The following BABAM2 variants were observed in gnomAD, a reference collection of about 807,000 sequenced individuals.
BABAM2 encodes the protein BRISC and BRCA1 A complex member 2.
Under a neutral mutation model 54.7 loss-of-function variants are expected in BABAM2, and 31 were observed. That is an observed-to-expected ratio of 0.57 (90% CI 0.43 to 0.77). The LOEUF (loss-of-function observed/expected upper bound fraction) is 0.77. Ranked by LOEUF, BABAM2 falls within the 30% of genes least tolerant of loss-of-function variation. The pLI is 0.00. For missense variants in BABAM2, 364 were observed against 455.8 expected, an observed-to-expected ratio of 0.80 and a Z score of 1.83; for synonymous variants, 167 against 162.9, an observed-to-expected ratio of 1.03 and a Z score of -0.19.
chr2:28,126,468 T>C (rs1307349599), intron 6 of BABAM2, among the ~76,000 whole-genome samples: 4 of 145,034 alleles, frequency 2.8e-5, no homozygotes, highest in African/African-American at 7.7e-5. Context: ...ACAAAGGACA[T>C]GAACTCATCA....
chr2:27,894,858 A>G, intron 2 of BABAM2, 174 bp downstream of exon 2: 1 of 656,552 alleles, frequency 1.5e-6, no homozygotes, highest in East Asian at 2.9e-5. Flanking sequence ...TTTATGTTTC[A>G]GGTTATTTTA....
chr2:27,928,877 GA>G (rs1217778432), intron 2 of BABAM2, among the ~76,000 whole-genome samples: 2 of 151,182 alleles, frequency 1.3e-5, no homozygotes, highest in Non-Finnish European at 2.9e-5. Flanking sequence ...GATCTGTGAA[GA>G]GCAAGAAACA....
At chr2:28,003,568 C>T (rs1357353680) in intron 4 of BABAM2, among the ~76,000 whole-genome samples, 1 of 151,988 alleles carries the variant, frequency 6.6e-6, no homozygotes, top group African/African-American at 2.4e-5. Context: ...CCAGCTTGAG[C>T]GACAGAGTGA....
intron 7 of BABAM2, among the ~76,000 whole-genome samples, chr2:28,216,035 T>C (rs9309661): frequency 0.77 from 116,506 of 152,120 alleles, 45,295 homozygotes; most frequent in East Asian, 0.99. Flanking sequence ...CTCTAAAAGC[T>C]TTGATGGTGC....
intron 2 of BABAM2, among the ~76,000 whole-genome samples, chr2:27,911,495 CAG>C (rs1289314308): frequency 6.6e-6 from 1 of 151,802 alleles, no homozygotes; most frequent in Non-Finnish European, 1.5e-5. Flanking sequence ...AAGAGGAAAT[CAG>C]GGGAGAAGAA....
chr2:28,293,541 C>G (rs1687455524), intron 10 of BABAM2, among the ~76,000 whole-genome samples: 1 of 152,188 alleles, frequency 6.6e-6, no homozygotes, highest in Non-Finnish European at 1.5e-5. Flanking sequence ...GGACTGCAAC[C>G]CGCGGAACCC....
At chr2:28,050,376 T>C (rs1294282585) in intron 6 of BABAM2, among the ~76,000 whole-genome samples, 1 of 152,194 alleles carries the variant, frequency 6.6e-6, no homozygotes, top group East Asian at 1.9e-4. Flanking sequence ...TTCTTCACTT[T>C]CCTTGATTTA....
intron 7 of BABAM2, among the ~76,000 whole-genome samples, chr2:28,186,694 G>T (rs1010072363): frequency 6.6e-5 from 10 of 152,046 alleles, no homozygotes; most frequent in Admixed American, 3.9e-4. Flanking sequence ...GGAGAAAATG[G>T]AGAAGCGAAG....
chr2:27,922,299 A>C (rs72810584), intron 2 of BABAM2, among the ~76,000 whole-genome samples: 1 of 152,160 alleles, frequency 6.6e-6, no homozygotes, highest in Non-Finnish European at 1.5e-5. Flanking sequence ...AGCGCTTGAC[A>C]CTAGAATCTT....
intron 11 of BABAM2, chr2:28,310,074 C>T (rs1292816487): frequency 6.2e-7 from 1 of 1,614,072 alleles, no homozygotes; most frequent in Non-Finnish European, 8.5e-7. Context: ...GTTTGTTTTT[C>T]CTTACAGAAG....
chr2:28,235,322 G>A (rs557093025), intron 7 of BABAM2, among the ~76,000 whole-genome samples: 32 of 152,018 alleles, frequency 2.1e-4, no homozygotes, highest in African/African-American at 5.1e-4. Context: ...GATTACAGGC[G>A]CATGCCACCA....
At chr2:27,934,289 T>C (rs750872472) in intron 3 of BABAM2, among the ~76,000 whole-genome samples, 2 of 152,240 alleles carry the variant, frequency 1.3e-5, no homozygotes, top group African/African-American at 4.8e-5. Context: ...TATTCTGTTA[T>C]GGTGATCTGT....
chr2:27,944,953 CT>C (rs1317613368), intron 3 of BABAM2, among the ~76,000 whole-genome samples: 1 of 148,442 alleles, frequency 6.7e-6, no homozygotes, highest in Non-Finnish European at 1.5e-5. Context: ...TTTGAGCTAC[CT>C]TTTTTTCTTG....
At chr2:28,103,157 A>C (rs1052564055) in intron 6 of BABAM2, among the ~76,000 whole-genome samples, 2 of 151,662 alleles carry the variant, frequency 1.3e-5, no homozygotes, top group Non-Finnish European at 2.9e-5. Context: ...AAAAAAAAAA[A>C]TTTACTCAGT....
chr2:28,233,326 C>CT (rs1398277381), intron 7 of BABAM2: 1 of 468,276 alleles, frequency 2.1e-6, no homozygotes, highest in Non-Finnish European at 4.4e-6. Context: ...CCGGGAATGT[C>CT]TTGAGTGAGC....
intron 3 of BABAM2, among the ~76,000 whole-genome samples, chr2:27,940,646 A>G (rs1304170530): frequency 4.8e-5 from 2 of 41,442 alleles, no homozygotes; most frequent in Non-Finnish European, 7.5e-5. Flanking sequence ...TTGGTTTTAC[A>G]TTTGAAATTA....
chr2:27,996,865 C>T (rs1265463938), intron 4 of BABAM2, among the ~76,000 whole-genome samples: 1 of 152,144 alleles, frequency 6.6e-6, no homozygotes, highest in African/African-American at 2.4e-5. Context: ...ATAGCAAATG[C>T]CTTCAAATAG....
intron 2 of BABAM2, among the ~76,000 whole-genome samples, chr2:27,901,853 A>G (rs1288971633): frequency 2.0e-5 from 3 of 152,162 alleles, no homozygotes; most frequent in African/African-American, 7.2e-5. Context: ...TACTTTATGT[A>G]TTCATTATAC....
chr2:28,286,042 A>G lies in BABAM2; in HGVS notation c.935-12296A>G, dbSNP rs183236839. Among the ~76,000 whole-genome samples, 159 of 148,752 alleles carry G rather than the reference A, an allele frequency of 1.1e-3. 1 individual carries two copies. In the East Asian group the frequency reaches 0.022, roughly 20 times the overall value. On this transcript the variant is annotated intron_variant, in intron 10 of 11. Transcript: ENST00000379624. ...ACAATCTCGGCTCACTGCAACCTCT[A>G]CCTCCTGGGTTCAAGCAATTCTCCT... is the stretch of plus-strand genomic sequence containing the variant.
Sources: gnomAD v4.1 joint callset for allele counts (sites outside exome capture counted in the v4.1 genomes callset) on GRCh38, gnomAD v4.1.1 for gene constraint, MANE v1.5 for transcripts, NCBI Gene and HGNC (gene_info 2026-07-23, HGNC 2026-07-21) for gene names.